The following SNX2 variants were observed in gnomAD, a reference collection of about 807,000 sequenced individuals.
SNX2 encodes the protein sorting nexin-2.
In SNX2, 25 loss-of-function variants were observed where a neutral mutation model predicts 69.9. The ratio of observed to expected loss-of-function variants is 0.36; its 90% CI spans 0.26 to 0.50. SNX2 has a LOEUF of 0.50. Ranked by LOEUF, SNX2 falls within the 20% of genes least tolerant of loss-of-function variation. The pLI is 0.97. For synonymous variants in SNX2, 229 were observed against 200.4 expected (o/e 1.14, Z -1.20); for missense variants, 551 against 613.3 (o/e 0.90, Z 1.07).
chr5:122,778,082 TC>T (rs1422976735), intron 1 of SNX2, among the ~76,000 whole-genome samples: 4 of 152,232 alleles, frequency 2.6e-5, no homozygotes, highest in Admixed American at 1.3e-4. Context: ...TATTTGTCTT[TC>T]TGTGCCTGGC....
At chr5:122,785,578 T>C (rs1303089914) in intron 1 of SNX2, among the ~76,000 whole-genome samples, 3 of 152,196 alleles carry the variant, frequency 2.0e-5, no homozygotes, top group Non-Finnish European at 4.4e-5. Flanking sequence ...TTTTGATAAA[T>C]GTGGTTTTGT....
intron 1 of SNX2, among the ~76,000 whole-genome samples, chr5:122,780,156 G>C (rs1352622071): frequency 6.6e-6 from 1 of 152,216 alleles, no homozygotes; most frequent in Non-Finnish European, 1.5e-5. Flanking sequence ...GGATGGGCTA[G>C]AGATGTAGCT....
At chr5:122,784,356 G>A (rs1753036212) in intron 1 of SNX2, among the ~76,000 whole-genome samples, 1 of 150,994 alleles carries the variant, frequency 6.6e-6, no homozygotes, top group Admixed American at 6.6e-5. Flanking sequence ...TTTTTAATGA[G>A]CTTAATCAAA....
intron 1 of SNX2, among the ~76,000 whole-genome samples, chr5:122,778,683 T>C (rs896359740): frequency 1.3e-5 from 2 of 152,096 alleles, no homozygotes; most frequent in African/African-American, 4.8e-5. Flanking sequence ...TTTTTGACTT[T>C]TTAATAGCTA....
chr5:122,833,711 T>TATTA lies in SNX2; in HGVS notation c.*4064_*4067dup, dbSNP rs902218790. 6.6e-6 allele frequency: 1 copy of TATTA among 152,206 alleles called. No homozygotes were observed. The highest frequency in any genetic ancestry group is 1.5e-5 in the Non-Finnish European group (1 of 68,026). 9.4% of individuals were successfully genotyped at this position (152,206 alleles called of 1,614,324 possible). ...TTATTTCATTGTTGGTACTCTTTTT[T>TATTA]ATTACCCAGATACAATAAAGTTTTC... On this transcript the variant is annotated 3_prime_UTR_variant, in exon 15 of 15. Coordinates refer to ENST00000379516, the MANE Select transcript of SNX2 (RefSeq NM_003100.4).
In SNX2 at chr5:122,832,568, T is replaced by G. The variant is rs894547634; in HGVS notation, c.*2920T>G. ...TTTATTATCTAGATCTAGTAAAGTT[T>G]TCTGCATTCATTGTATTAATGTTGG... On this transcript the variant is annotated 3_prime_UTR_variant, in exon 15 of 15. Transcript: ENST00000379516. 4 of 152,168 alleles carry G rather than the reference T, an allele frequency of 2.6e-5. No individual in the cohort carries two copies. Among genetic ancestry groups the G allele is most frequent in the African/African-American group, 9.7e-5 (4 of 41,446 alleles). The allele number at this position is 152,168 out of a possible 1,614,324, so 9.4% of individuals were successfully genotyped here.
At chr5:122,782,663 A>G (rs1398841107) in intron 1 of SNX2, among the ~76,000 whole-genome samples, 1 of 151,798 alleles carries the variant, frequency 6.6e-6, no homozygotes, top group African/African-American at 2.4e-5. Context: ...CAGCCTCCCT[A>G]GTAGCTGGGA....
At chr5:122,820,535 A>T (rs902678437) in intron 11 of SNX2, among the ~76,000 whole-genome samples, 1 of 145,128 alleles carries the variant, frequency 6.9e-6, no homozygotes. Context: ...CATCTCAAAT[A>T]AAAAAAAAAA....
At chr5:122,792,478 T>TC (rs1262999115) in intron 1 of SNX2, among the ~76,000 whole-genome samples, 2 of 151,986 alleles carry the variant, frequency 1.3e-5, no homozygotes, top group African/African-American at 4.8e-5. Context: ...GTGCCTGTGG[T>TC]CCCGGCTACT....
At chr5:122,821,128 C>A (rs1255095122) in intron 11 of SNX2, among the ~76,000 whole-genome samples, 1 of 152,062 alleles carries the variant, frequency 6.6e-6, no homozygotes, top group Non-Finnish European at 1.5e-5. Flanking sequence ...TTGTCCTATT[C>A]TTTATTTTAA....
At chr5:122,820,044 T>C (rs887506620) in intron 11 of SNX2, among the ~76,000 whole-genome samples, 5 of 152,218 alleles carry the variant, frequency 3.3e-5, no homozygotes, top group Non-Finnish European at 7.3e-5. Flanking sequence ...GAAATGTTAA[T>C]ATACATAGCA....
chr5:122,818,331 A>C (rs926569914), intron 10 of SNX2, among the ~76,000 whole-genome samples: 4 of 152,184 alleles, frequency 2.6e-5, no homozygotes, highest in African/African-American at 9.7e-5. Flanking sequence ...ACTAACAGTA[A>C]AATTTATGTT....
In SNX2 at chr5:122,802,671, G is replaced by A. The variant is rs150840745; in HGVS notation, c.501+547G>A. 4.6e-5 allele frequency among the ~76,000 whole-genome samples: 7 copies of A among 152,288 alleles called. No individual in the cohort carries two copies. In the East Asian group the frequency reaches 1.2e-3, roughly 25 times the overall value. On this transcript the variant is annotated intron_variant, in intron 5 of 14. Transcript: ENST00000379516. Reference sequence around the variant, plus strand: ...TTGGGAGGGTCAAAGTAGAGGTCAGGATTTCCAGTTAAAGGGACACTGCAA... The same window carrying A: ...TTGGGAGGGTCAAAGTAGAGGTCAGAATTTCCAGTTAAAGGGACACTGCAA...
chr5:122,828,755 TG>T (rs1367743419), intron 14 of SNX2, among the ~76,000 whole-genome samples: 2 of 152,204 alleles, frequency 1.3e-5, no homozygotes, highest in African/African-American at 2.4e-5. Flanking sequence ...GAGTAATTAA[TG>T]TTTTAAATAA....
At chr5:122,818,614 G>T (rs903680545) in intron 10 of SNX2, among the ~76,000 whole-genome samples, 4 of 152,194 alleles carry the variant, frequency 2.6e-5, no homozygotes, top group Admixed American at 2.6e-4. Flanking sequence ...GCAGTGATTT[G>T]TCTGTGTTTT....
rs1373425351 is a variant in SNX2, at chr5:122,826,140, A to G, written c.1303A>G (p.Met435Val). ...LKKREAEAKM[M>V]VANKPDKIQQ... is the part of the protein sequence containing the mutation. ...AAAACGTGAAGCTGAAGCAAAAATG[A>G]TGGTTGCTAACAAACCAGATAAAAT... is the stretch of plus-strand genomic sequence containing the variant. The change falls in exon 12 of 15, where the codon ATG becomes GTG. Residue 435 changes from methionine to valine, a missense_variant. Met to Val is a conservative substitution (Grantham distance 21). Around this residue, in one of 2 missense-constraint regions of SNX2, gnomAD observed 360 missense variants for 450.4 expected, o/e 0.80. Coordinates refer to ENST00000379516, the MANE Select transcript of SNX2 (RefSeq NM_003100.4). 2 of 1,613,286 alleles carry G rather than the reference A, an allele frequency of 1.2e-6. No homozygotes were observed. The highest frequency in any genetic ancestry group is 1.1e-5 in the South Asian group (1 of 91,042).
intron 6 of SNX2, among the ~76,000 whole-genome samples, chr5:122,806,134 A>ACG (rs1554063147): frequency 3.3e-5 from 4 of 121,374 alleles, no homozygotes; most frequent in Middle Eastern, 4.1e-3. Context: ...ATATATACAC[A>ACG]CGCGCGCGCA....
intron 7 of SNX2, chr5:122,808,748 A>G (rs1253124329): frequency 6.3e-6 from 1 of 158,162 alleles, no homozygotes; most frequent in African/African-American, 2.4e-5. Context: ...GGGAAAAATA[A>G]AAATTTTTGG....
At chr5:122,799,638 T>A in intron 2 of SNX2, 54 bp from the exon 3 acceptor site, 1 of 1,292,622 alleles carries the variant, frequency 7.7e-7, no homozygotes, top group Non-Finnish European at 1.1e-6. Context: ...CTATGTAGAA[T>A]ATTGGGGGTT....
Sources: gnomAD v4.1 joint callset for allele counts (sites outside exome capture counted in the v4.1 genomes callset) on GRCh38, gnomAD v4.1.1 for gene constraint, gnomAD v4.1.1 regional missense constraint, MANE v1.5 for transcripts, NCBI Gene and HGNC (gene_info 2026-07-23, HGNC 2026-07-21) for gene names.